Variants in WLS observed in about 807,000 individuals in gnomAD.
WLS encodes the protein protein wntless homolog.
Under a neutral mutation model 62.8 loss-of-function variants are expected in WLS, and 23 were observed. That is an observed-to-expected ratio of 0.37 (90% CI 0.26 to 0.52). The LOEUF is 0.52. Ranked by LOEUF, WLS falls within the 20% of genes least tolerant of loss-of-function variation. WLS has a pLI of 0.92. For synonymous variants in WLS, 246 were observed against 244.1 expected, an observed-to-expected ratio of 1.01 and a Z score of -0.07; for missense variants, 615 against 697.3, an observed-to-expected ratio of 0.88 and a Z score of 1.33.
chr1:68,220,517 G>A (rs761704055), intron 1 of WLS, among the ~76,000 whole-genome samples: 1 of 152,088 alleles, frequency 6.6e-6, no homozygotes, highest in Non-Finnish European at 1.5e-5. Context: ...GTTAGTCTAG[G>A]TTACAAAGCA....
intron 2 of WLS, among the ~76,000 whole-genome samples, chr1:68,179,049 C>T (rs904514068): frequency 1.2e-4 from 18 of 152,190 alleles, no homozygotes; most frequent in Non-Finnish European, 2.2e-4. Flanking sequence ...CCAACCCTGT[C>T]TGCCTACCTA....
intron 2 of WLS, among the ~76,000 whole-genome samples, chr1:68,170,163 T>TTC (rs1647127073): frequency 1.2e-5 from 1 of 83,678 alleles, no homozygotes; most frequent in Non-Finnish European, 2.8e-5. Flanking sequence ...ACTATTTCTT[T>TTC]TTTTTTTTTT....
At chr1:68,143,672 G>C (rs2052958) in intron 10 of WLS, among the ~76,000 whole-genome samples, 39,170 of 152,074 alleles carry the variant, frequency 0.26, 5,118 homozygotes, top group Admixed American at 0.29. Context: ...TATGTAGTAA[G>C]CTATACCATC....
At chr1:68,163,464 C>T (rs973432127) in intron 2 of WLS, among the ~76,000 whole-genome samples, 1 of 152,042 alleles carries the variant, frequency 6.6e-6, no homozygotes, top group Non-Finnish European at 1.5e-5. Context: ...GCATGGCTCC[C>T]TTTTCGGTCC....
intron 2 of WLS, among the ~76,000 whole-genome samples, chr1:68,188,035 A>G (rs1260518550): frequency 1.3e-5 from 2 of 152,238 alleles, no homozygotes; most frequent in African/African-American, 4.8e-5. Context: ...TCAGTGATGT[A>G]AAAGGTAGAA....
At chr1:68,132,011 C>T (rs1011215795) in intron 11 of WLS, among the ~76,000 whole-genome samples, 5 of 152,184 alleles carry the variant, frequency 3.3e-5, no homozygotes, top group Admixed American at 3.3e-4. Context: ...GACACCCTGT[C>T]TGTAGTATTC....
At chr1:68,230,586 C>CGTGTGTGTGT (rs1394504243) in intron 1 of WLS, among the ~76,000 whole-genome samples, 3 of 136,980 alleles carry the variant, frequency 2.2e-5, no homozygotes, top group African/African-American at 8.2e-5. Flanking sequence ...TGTGTGTGCG[C>CGTGTGTGTGT]GCGTGTGTGT....
intron 2 of WLS, among the ~76,000 whole-genome samples, chr1:68,179,180 G>A (rs1483591413): frequency 6.6e-6 from 1 of 152,170 alleles, no homozygotes; most frequent in African/African-American, 2.4e-5. Context: ...TTCTAGAATG[G>A]TTTTCACTTG....
intron 1 of WLS, among the ~76,000 whole-genome samples, chr1:68,205,186 A>T (rs1256002809): frequency 1.3e-5 from 2 of 152,198 alleles, no homozygotes; most frequent in Non-Finnish European, 2.9e-5. Context: ...CCGTGAGGTC[A>T]GTCTCCCAAG....
chr1:68,148,289 G>T, intron 7 of WLS, 90 bp from the exon 8 acceptor site: 1 of 1,351,338 alleles, frequency 7.4e-7, no homozygotes, highest in Non-Finnish European at 1.1e-6. Context: ...CTTTTCAGCT[G>T]CAGGGGTGAG....
chr1:68,098,744 A>T, exon 12 of WLS: 1 of 1,613,656 alleles, frequency 6.2e-7, no homozygotes. Context: ...TTTACATGGG[A>T]GTTGCATTCC....
At position 68,126,214 on chromosome 1, in the gene WLS, C is replaced by A; in HGVS notation, c.*12G>T. 1 of 1,613,938 alleles carries A rather than the reference C, an allele frequency of 6.2e-7. No homozygotes were observed. Among genetic ancestry groups the A allele is most frequent in the Non-Finnish European group, 8.5e-7 (1 of 1,179,920 alleles). Reference sequence around the variant, plus strand: ...GTATGGAGAGACCGTCCCAGCCGGGCGCTGCAGCCTCCTACTCCTGGGCCT... The same window carrying A: ...GTATGGAGAGACCGTCCCAGCCGGGAGCTGCAGCCTCCTACTCCTGGGCCT... On this transcript the variant is annotated 3_prime_UTR_variant, in exon 12 of 12. Coordinates refer to ENST00000262348, the MANE Select transcript of WLS (RefSeq NM_024911.7).
chr1:68,198,889 T>C (rs941209521), intron 1 of WLS, among the ~76,000 whole-genome samples: 3 of 152,220 alleles, frequency 2.0e-5, no homozygotes, highest in Non-Finnish European at 1.5e-5. Context: ...AAACCTGTAG[T>C]ACTTCTTTTG....
chr1:68,135,765 G>A (rs1646600770), intron 11 of WLS, among the ~76,000 whole-genome samples: 1 of 152,180 alleles, frequency 6.6e-6, no homozygotes, highest in Non-Finnish European at 1.5e-5. Context: ...ACCATGGAAT[G>A]AAATCAAGAT....
chr1:68,136,088 C>T (rs1055590957), intron 11 of WLS, among the ~76,000 whole-genome samples: 1 of 152,142 alleles, frequency 6.6e-6, no homozygotes, highest in African/African-American at 2.4e-5. Flanking sequence ...AGCATGCTCT[C>T]GCATGGACAT....
At chr1:68,140,094 C>T (rs537117893) in intron 10 of WLS, among the ~76,000 whole-genome samples, 373 of 152,272 alleles carry the variant, frequency 2.4e-3, no homozygotes, top group Non-Finnish European at 4.1e-3. Flanking sequence ...ATACTAAATC[C>T]TTTTACATGA....
Position 68,201,220 on chromosome 1 carries a change from A to G in WLS, c.107-6993T>C, listed in dbSNP as rs149368541. Among the ~76,000 whole-genome samples the G allele has an allele frequency of 1.9e-3, 296 of 152,344 alleles. 2 individuals are homozygous for G. The highest frequency in any genetic ancestry group is 7.0e-3 in the African/African-American group (292 of 41,590). ...GAGGTCTTATGAGCCAAACCTGCTT[A>G]CCATTCACTGAAAGTCAGTTCCTAA... On this transcript the variant is annotated intron_variant, in intron 1 of 11. Coordinates refer to ENST00000262348, the MANE Select transcript of WLS (RefSeq NM_024911.7).
At chr1:68,127,334 AAG>A (rs1378922378) in intron 11 of WLS, 1 of 160,124 alleles carries the variant, frequency 6.2e-6, no homozygotes, top group African/African-American at 2.4e-5. Context: ...TCCAGGAAAA[AAG>A]AAGTGCCAGA....
intron 1 of WLS, among the ~76,000 whole-genome samples, chr1:68,213,766 C>G (rs1411759903): frequency 6.6e-6 from 1 of 152,098 alleles, no homozygotes; most frequent in Non-Finnish European, 1.5e-5. Flanking sequence ...TTTTATGGAT[C>G]TTGTCTTCCC....
Sources: gnomAD v4.1 joint callset for allele counts (sites outside exome capture counted in the v4.1 genomes callset) on GRCh38, gnomAD v4.1.1 for gene constraint, MANE v1.5 for transcripts, NCBI Gene and HGNC (gene_info 2026-07-23, HGNC 2026-07-21) for gene names.